NDC80: variants seen among roughly 807,000 people sequenced by gnomAD.
The protein encoded by NDC80 is NDC80 kinetochore complex component.
A neutral mutation model predicts 89.3 loss-of-function variants in NDC80; 69 were observed. That is an observed-to-expected ratio of 0.77 (90% CI 0.64 to 0.94). The LOEUF is 0.94. Ranked by LOEUF, NDC80 falls within the 40% of genes least tolerant of loss-of-function variation. NDC80 has a pLI of 0.00. For synonymous variants in NDC80, 243 were observed against 255.6 expected, an observed-to-expected ratio of 0.95 and a Z score of 0.47; for missense variants, 593 against 739.6, an observed-to-expected ratio of 0.80 and a Z score of 2.30.
chr18:2,587,269 T>C (rs2644201), intron 7 of NDC80, among the ~76,000 whole-genome samples: 28,442 of 152,202 alleles, frequency 0.19, 3,085 homozygotes, highest in Non-Finnish European at 0.25. Context: ...ATGCAAAATA[T>C]AGTGTTATTT....
intron 11 of NDC80, 66 bp downstream of exon 11, chr18:2,595,687 TAAG>T (rs2143652498): frequency 3.6e-6 from 5 of 1,388,576 alleles, no homozygotes; most frequent in South Asian, 1.3e-5. Flanking sequence ...CTGTCCCAAT[TAAG>T]AAGAAGTCAG....
At chr18:2,607,973 A>ATATATATATATATG (rs1555618979) in intron 14 of NDC80, among the ~76,000 whole-genome samples, 9 of 106,724 alleles carry the variant, frequency 8.4e-5, no homozygotes, top group Non-Finnish European at 1.8e-4. Flanking sequence ...TAGTATATAT[A>ATATATATATATATG]TATATATATA....
intron 6 of NDC80, among the ~76,000 whole-genome samples, chr18:2,583,848 A>G (rs2143639388): frequency 6.6e-6 from 1 of 152,344 alleles, no homozygotes; most frequent in East Asian, 1.9e-4. Flanking sequence ...TAGCAGGGCA[A>G]ACAACTCTAG....
At chr18:2,607,194 A>G (rs1294065085) in intron 14 of NDC80, among the ~76,000 whole-genome samples, 1 of 152,172 alleles carries the variant, frequency 6.6e-6, no homozygotes, top group African/African-American at 2.4e-5. Flanking sequence ...AAAATATACC[A>G]CATAATATGA....
chr18:2,590,557 G>A (rs2072622761), intron 10 of NDC80, among the ~76,000 whole-genome samples: 1 of 152,142 alleles, frequency 6.6e-6, no homozygotes, highest in African/African-American at 2.4e-5. Context: ...TACTACCTGT[G>A]TGAAATATCT....
At chr18:2,574,053 A>C (rs2143627838) in intron 2 of NDC80, among the ~76,000 whole-genome samples, 1 of 152,304 alleles carries the variant, frequency 6.6e-6, no homozygotes, top group East Asian at 1.9e-4. Context: ...CTTACCTTTG[A>C]CCATTTTGTC....
chr18:2,597,943 C>A (rs1798177020), intron 11 of NDC80, among the ~76,000 whole-genome samples: 1 of 152,036 alleles, frequency 6.6e-6, no homozygotes, highest in Non-Finnish European at 1.5e-5. Flanking sequence ...ATATCCACGT[C>A]CAAGTGAAAA....
At chr18:2,593,786 A>G (rs970438830) in intron 10 of NDC80, 1 of 247,870 alleles carries the variant, frequency 4.0e-6, no homozygotes, top group Non-Finnish European at 8.1e-6. Flanking sequence ...ATTTCCTACA[A>G]TCCACTTATT....
At position 2,577,953 on chromosome 18, in the gene NDC80, A is replaced by G; in HGVS notation, c.304-16A>G. The G allele has an allele frequency of 6.2e-7, 1 of 1,609,980 alleles. No homozygotes were observed. The highest frequency in any genetic ancestry group is 8.5e-7 in the Non-Finnish European group (1 of 1,177,658). On this transcript the variant is annotated splice_polypyrimidine_tract_variant and intron_variant, in intron 4 of 16. Coordinates refer to ENST00000261597, the MANE Select transcript of NDC80 (RefSeq NM_006101.3). ...TCCATTACAAAACGTTTGGTGGTTC[A>G]TAAAAATTATTGTAGTTTCTTACAG... is the stretch of plus-strand genomic sequence containing the variant.
chr18:2,604,377 C>T (rs926698280), intron 13 of NDC80, among the ~76,000 whole-genome samples: 12 of 152,102 alleles, frequency 7.9e-5, no homozygotes, highest in Admixed American at 3.3e-4. Flanking sequence ...ACCTTGAGGA[C>T]CAGAGACCAA....
At position 2,587,185 on chromosome 18, in the gene NDC80, G is replaced by A. The variant is rs115690817; in HGVS notation, c.670-645G>A. 4.0e-3 allele frequency among the ~76,000 whole-genome samples: 608 copies of A among 152,240 alleles called. 4 individuals are homozygous for A. Among genetic ancestry groups the A allele is most frequent in the African/African-American group, 0.013 (537 of 41,548 alleles). ...TTGAGGGATATTTACTTCATCTAAG[G>A]TATGGAAAATTCTGATCATCCATTC... On this transcript the variant is annotated intron_variant, in intron 7 of 16. Coordinates refer to ENST00000261597, the MANE Select transcript of NDC80 (RefSeq NM_006101.3).
At chr18:2,574,545 T>A (rs563410492) in intron 2 of NDC80, among the ~76,000 whole-genome samples, 1 of 152,296 alleles carries the variant, frequency 6.6e-6, no homozygotes, top group African/African-American at 2.4e-5. Context: ...GTAATAATAA[T>A]AATGATATTT....
At chr18:2,584,944 G>A (rs749416700) in intron 6 of NDC80, among the ~76,000 whole-genome samples, 169 bp from the exon 7 acceptor site, 3 of 152,102 alleles carry the variant, frequency 2.0e-5, no homozygotes, top group African/African-American at 7.2e-5. Context: ...TGTTTTATTC[G>A]AAAGAAAGTC....
At chr18:2,585,329 T>A (rs1476744154) in intron 7 of NDC80, 127 bp downstream of exon 7, 1 of 689,540 alleles carries the variant, frequency 1.5e-6, no homozygotes, top group Non-Finnish European at 2.4e-6. Context: ...GAAAATATCA[T>A]GTCAAAAATG....
rs776689287 is a variant in NDC80 at position 2,616,416 on chromosome 18, A to G, written c.1792-21A>G. On this transcript the variant is annotated intron_variant, in intron 16 of 16. Transcript: ENST00000261597. The stretch of plus-strand genomic sequence containing the variant: ...GAAATTAATTTTTTTTACTTTAACA[A>G]TTGTTAATTCTCTTCACTAGAAACA... The G allele has an allele frequency of 5.7e-6, 8 of 1,411,858 alleles. No homozygotes were observed. The South Asian group carries it at 1.0e-4, about 18-fold the overall frequency. The allele number at this position is 1,411,858 out of a possible 1,614,324, so 87.5% of individuals were successfully genotyped here.
chr18:2,602,098 T>C (rs2072686945), intron 13 of NDC80, among the ~76,000 whole-genome samples: 1 of 152,172 alleles, frequency 6.6e-6, no homozygotes, highest in Non-Finnish European at 1.5e-5. Context: ...ATTTCATTTA[T>C]AGGACACCAA....
chr18:2,613,851 C>T (rs62086203), intron 16 of NDC80, among the ~76,000 whole-genome samples: 58,697 of 151,970 alleles, frequency 0.39, 12,508 homozygotes, highest in East Asian at 0.68. Flanking sequence ...TAAAAGATTA[C>T]CATCCAGATA....
chr18:2,576,224 C>T lies in NDC80; in HGVS notation c.179+1158C>T, dbSNP rs905583229. 7.8e-4 allele frequency among the ~76,000 whole-genome samples: 119 copies of T among 152,222 alleles called. 1 individual carries two copies. Among genetic ancestry groups the T allele is most frequent in the African/African-American group, 2.7e-3 (112 of 41,548 alleles). On this transcript the variant is annotated intron_variant, in intron 3 of 16. Transcript: ENST00000261597. Reference sequence around the variant, plus strand: ...ATGGGCTATATCTGTCAAAATTAACCATAGTAGAAATTAAAACTGAGAAAA... The same window carrying T: ...ATGGGCTATATCTGTCAAAATTAACTATAGTAGAAATTAAAACTGAGAAAA...
chr18:2,572,919 C>A, intron 1 of NDC80, 58 bp from the exon 2 acceptor site: 1 of 1,265,038 alleles, frequency 7.9e-7, no homozygotes, highest in Non-Finnish European at 1.1e-6. Context: ...TAAATAGTTG[C>A]TTAATGTACC....
Sources: gnomAD v4.1 joint callset for allele counts (sites outside exome capture counted in the v4.1 genomes callset) on GRCh38, gnomAD v4.1.1 for gene constraint, MANE v1.5 for transcripts, NCBI Gene and HGNC (gene_info 2026-07-23, HGNC 2026-07-21) for gene names.